The following GOLGA1 variants were observed in gnomAD, a reference collection of about 807,000 sequenced individuals.
GOLGA1 encodes golgin A1.
A neutral mutation model predicts 119.7 loss-of-function variants in GOLGA1; 63 were observed. The ratio of observed to expected loss-of-function variants is 0.53; its 90% CI spans 0.43 to 0.65. The LOEUF is 0.65. Ranked by LOEUF, GOLGA1 falls within the 30% of genes least tolerant of loss-of-function variation. The pLI, the probability that GOLGA1 is intolerant of heterozygous loss-of-function variation, is 0.00. For missense variants in GOLGA1, 798 were observed against 912.8 expected (o/e 0.87, Z 1.62); for synonymous variants, 318 against 333.4 (o/e 0.95, Z 0.50).
At chr9:124,913,641 C>T (rs1428070649) in intron 10 of GOLGA1, among the ~76,000 whole-genome samples, 1 of 152,150 alleles carries the variant, frequency 6.6e-6, no homozygotes, top group African/African-American at 2.4e-5. Flanking sequence ...AGATTTATGA[C>T]CCCACAATTC....
chr9:124,914,249 G>C (rs1266462472), intron 10 of GOLGA1, among the ~76,000 whole-genome samples: 1 of 152,202 alleles, frequency 6.6e-6, no homozygotes, highest in Non-Finnish European at 1.5e-5. Context: ...TGTAATCCCA[G>C]CACTTTGGGA....
upstream of GOLGA1, chr9:124,944,466 A>ATTTTTTTTTTTTTTTTTTTTTTTTTTTTT (rs71374207): frequency 1.2e-5 from 1 of 84,724 alleles, no homozygotes; most frequent in Non-Finnish European, 2.1e-5. Context: ...TGCCTGGCTA[A>ATTTTTTTTTTTTTTTTTTTTTTTTTTTTT]TTTTTTTTTT....
intron 10 of GOLGA1, among the ~76,000 whole-genome samples, chr9:124,914,597 T>G (rs1252939336): frequency 1.3e-5 from 2 of 152,166 alleles, no homozygotes; most frequent in Non-Finnish European, 2.9e-5. Context: ...ACCAAGACAG[T>G]GTGGTAATAG....
chr9:124,938,644 G>T lies in GOLGA1; in HGVS notation c.68C>A (p.Thr23Asn), dbSNP rs1251581458. ...CTTGCTCACAGACCGTGGGATCCTAGTAGCACCTCCTGGCCTCTGAGCAAC... is the reference window on the plus strand; with the variant it reads ...CTTGCTCACAGACCGTGGGATCCTATTAGCACCTCCTGGCCTCTGAGCAAC... The part of the protein sequence containing the change: ...TAVAQRPGGA[T>N]RIPRSVSKES... The change falls in exon 3 of 23, where the codon ACT becomes AAT. Residue 23 changes from threonine (T) to asparagine (N), a missense_variant. By Grantham distance (65) the Thr-to-Asn change is moderately conservative. Coordinates refer to ENST00000373555, the MANE Select transcript of GOLGA1 (RefSeq NM_002077.4). 6.2e-7 allele frequency: 1 copy of T among 1,613,280 alleles called. No individual in the cohort carries two copies. The highest frequency in any genetic ancestry group is 1.3e-5 in the African/African-American group (1 of 75,026).
At chr9:124,920,717 C>T (rs999592777) in intron 10 of GOLGA1, among the ~76,000 whole-genome samples, 4 of 151,770 alleles carry the variant, frequency 2.6e-5, no homozygotes, top group African/African-American at 4.8e-5. Context: ...TGGTGGATCA[C>T]GAGGTCAGGA....
At position 124,880,318 on chromosome 9, in the gene GOLGA1, T is replaced by C. The variant is rs1588050393; in HGVS notation, c.*212A>G. On this transcript the variant is annotated 3_prime_UTR_variant, in exon 23 of 23. Transcript: ENST00000373555. ...GGAAATCTGGGTAGTGCCAGGACCC[T>C]CCTGTTTGGTGACCAGAATGACAGG... 6.7e-6 allele frequency: 3 copies of C among 445,132 alleles called. No individual in the cohort carries two copies. The East Asian group carries it at 1.4e-4, about 20-fold the overall frequency. 27.6% of individuals were successfully genotyped at this position (445,132 alleles called of 1,614,324 possible). A position where few individuals can be genotyped will look rare whatever the true frequency, so the allele number is the denominator to read the frequency against.
At chr9:124,912,188 A>T (rs1830354459) in intron 10 of GOLGA1, among the ~76,000 whole-genome samples, 162 bp from the exon 11 acceptor site, 1 of 152,222 alleles carries the variant, frequency 6.6e-6, no homozygotes, top group African/African-American at 2.4e-5. Flanking sequence ...AGAAAATGCA[A>T]GATTAGAACC....
chr9:124,899,175 G>A (rs1830044719), intron 14 of GOLGA1, among the ~76,000 whole-genome samples, 154 bp downstream of exon 14: 1 of 152,156 alleles, frequency 6.6e-6, no homozygotes, highest in African/African-American at 2.4e-5. Flanking sequence ...CAGCCTGGGT[G>A]ACAGAGTGAG....
intron 3 of GOLGA1, among the ~76,000 whole-genome samples, chr9:124,938,315 T>C (rs1167162411): frequency 1.3e-5 from 2 of 151,982 alleles, no homozygotes; most frequent in Non-Finnish European, 2.9e-5. Flanking sequence ...GTATAAGGTA[T>C]ATAGACGGAA....
intron 7 of GOLGA1, among the ~76,000 whole-genome samples, chr9:124,925,010 G>A (rs1410749536): frequency 4.6e-5 from 7 of 151,648 alleles, no homozygotes; most frequent in Admixed American, 6.6e-5. Context: ...AACCCGGGAG[G>A]CAGAGCTTGC....
chr9:124,941,210 C>T (rs1160366820), upstream of GOLGA1: 1 of 152,288 alleles, frequency 6.6e-6, no homozygotes, highest in Non-Finnish European at 1.5e-5. Context: ...TGGGCCGGAA[C>T]GGCTGGAGTT....
chr9:124,886,363 A>T (rs1829720445), intron 19 of GOLGA1, among the ~76,000 whole-genome samples: 1 of 152,126 alleles, frequency 6.6e-6, no homozygotes, highest in Non-Finnish European at 1.5e-5. Context: ...CAGGCCATGG[A>T]TGGGAGCTTC....
At chr9:124,919,986 C>G (rs947339771) in intron 10 of GOLGA1, among the ~76,000 whole-genome samples, 14 of 151,974 alleles carry the variant, frequency 9.2e-5, no homozygotes, top group African/African-American at 3.1e-4. Flanking sequence ...GACAGAGTCT[C>G]TCTCTGTCAC....
intron 3 of GOLGA1, among the ~76,000 whole-genome samples, chr9:124,934,794 C>G (rs1458539492): frequency 1.3e-5 from 2 of 152,178 alleles, no homozygotes; most frequent in Admixed American, 1.3e-4. Flanking sequence ...CACCTGCAGT[C>G]CCAGTACTTT....
At chr9:124,900,682 A>C (rs866414092) in intron 12 of GOLGA1, 135 bp from the exon 13 acceptor site, 1 of 527,254 alleles carries the variant, frequency 1.9e-6, no homozygotes, top group Non-Finnish European at 3.4e-6. Context: ...AAGATACTGC[A>C]TAAGTCTACC....
intron 14 of GOLGA1, 26 bp downstream of exon 14, chr9:124,899,303 C>G (rs199998634): frequency 6.6e-7 from 1 of 1,525,862 alleles, no homozygotes; most frequent in East Asian, 2.5e-5. Context: ...GCTCCTGGGC[C>G]CACCCTCTCT....
intron 15 of GOLGA1, among the ~76,000 whole-genome samples, chr9:124,896,913 C>G (rs1829996889): frequency 6.6e-6 from 1 of 151,794 alleles, no homozygotes; most frequent in Non-Finnish European, 1.5e-5. Flanking sequence ...GCCTGGGCAA[C>G]AGAGCAAGAC....
Position 124,889,269 on chromosome 9 carries a change from C to A in GOLGA1, c.1635G>T (p.Leu545=), listed in dbSNP as rs1412624674. The A allele has an allele frequency of 1.2e-6, 2 of 1,613,820 alleles. No homozygotes were observed. The highest frequency in any genetic ancestry group is 8.5e-7 in the Non-Finnish European group (1 of 1,179,866). Residue 545 remains leucine, a synonymous_variant, in exon 18 of 23, where the codon CTG becomes CTT. Coordinates refer to ENST00000373555, the MANE Select transcript of GOLGA1 (RefSeq NM_002077.4). ...HNSALLQIHQ[L]QAELEALRTL... is the part of the protein sequence containing the mutation. Reference sequence around the variant, plus strand: ...TCCTCAGGGCCTCCAGCTCGGCCTGCAGCTGGTGTATCTGCAGCAGGGCAG... The same window carrying A: ...TCCTCAGGGCCTCCAGCTCGGCCTGAAGCTGGTGTATCTGCAGCAGGGCAG...
rs770189919 is a variant in GOLGA1, at chr9:124,888,320, G to A, written c.1838C>T (p.Ala613Val). 1 of 1,613,620 alleles carries A rather than the reference G, an allele frequency of 6.2e-7. No individual in the cohort carries two copies. The highest frequency in any genetic ancestry group is 8.5e-7 in the Non-Finnish European group (1 of 1,179,600). The change falls in exon 19 of 23, where the codon GCC (alanine) becomes GTC (valine). Residue 613 changes from alanine to valine, a missense_variant. Coordinates refer to ENST00000373555, the MANE Select transcript of GOLGA1 (RefSeq NM_002077.4). This position sits in a 1 kb window ranked among gnomAD's most constrained non-coding sequence, Gnocchi z 4.4. Reference protein sequence around the residue: ...AGRTPNGEVGAMDLTQLQKEK... With the variant: ...AGRTPNGEVGVMDLTQLQKEK... ...CTTCTGTAGCTGTGTGAGATCCATG[G>A]CCCCAACCTCACCATTTGGTGTTCT...
Sources: gnomAD v4.1 joint callset for allele counts (sites outside exome capture counted in the v4.1 genomes callset) on GRCh38, gnomAD v4.1.1 for gene constraint, Gnocchi (gnomAD v3.1) non-coding constraint, MANE v1.5 for transcripts, NCBI Gene and HGNC (gene_info 2026-07-23, HGNC 2026-07-21) for gene names.